Variants in TENT5C observed in about 807,000 individuals in gnomAD.
TENT5C encodes the protein family with sequence similarity 46 member C.
A neutral mutation model predicts 22.2 loss-of-function variants in TENT5C; 5 were observed. That is an observed-to-expected ratio of 0.22 (90% CI 0.12 to 0.47). The LOEUF (loss-of-function observed/expected upper bound fraction) is 0.47. Ranked by LOEUF, TENT5C falls within the 20% of genes least tolerant of loss-of-function variation. The probability of loss-of-function intolerance (pLI) is 0.99; values close to 1 mark genes in which losing one functional copy is unlikely to be tolerated. For synonymous variants in TENT5C, 199 were observed against 195.4 expected, an observed-to-expected ratio of 1.02 and a Z score of -0.15; for missense variants, 364 against 500.9, an observed-to-expected ratio of 0.73 and a Z score of 2.61.
At position 117,624,692 on chromosome 1, in the gene TENT5C, ACT is replaced by A. The variant is rs1653973149; in HGVS notation, c.*649_*650del. On this transcript the variant is annotated 3_prime_UTR_variant, in exon 2 of 2. Transcript: ENST00000369448. ...AAGTGGTTTATGGTTTACATGCTGTACTATCCTGAGGAATTGCGAGATATTGC... is the reference window on the plus strand; with the variant it reads ...AAGTGGTTTATGGTTTACATGCTGTAATCCTGAGGAATTGCGAGATATTGC... 1 of 248,000 alleles carries A rather than the reference ACT, an allele frequency of 4.0e-6. No individual in the cohort carries two copies. Among genetic ancestry groups the A allele is most frequent in the African/African-American group, 2.2e-5 (1 of 45,358 alleles). 15.4% of individuals were successfully genotyped at this position (248,000 alleles called of 1,614,324 possible). A position where few individuals can be genotyped will look rare whatever the true frequency, so the allele number is the denominator to read the frequency against.
intron 1 of TENT5C, among the ~76,000 whole-genome samples, chr1:117,616,574 A>G (rs1653784718): frequency 6.6e-6 from 1 of 152,196 alleles, no homozygotes; most frequent in South Asian, 2.1e-4. Flanking sequence ...TCTTTGTTCC[A>G]GGTACACACT....
intron 1 of TENT5C, among the ~76,000 whole-genome samples, chr1:117,616,046 G>A (rs926828437): frequency 6.6e-6 from 1 of 152,192 alleles, no homozygotes. Flanking sequence ...TTGTCACTCC[G>A]TGTCCACCTC....
chr1:117,608,743 T>C, intron 1 of TENT5C, among the ~76,000 whole-genome samples: 1 of 151,274 alleles, frequency 6.6e-6, no homozygotes, highest in African/African-American at 2.4e-5. Context: ...ACCCAAAGGC[T>C]CTCAGTGGAT....
In TENT5C at chr1:117,626,382, T is replaced by C. The variant is rs1381812524; in HGVS notation, c.*2338T>C. ...ACCCAGTCCCCAGTCTTTGCCACCA[T>C]TGCACCATGGTTGTCTCGGAGTCCC... On this transcript the variant is annotated 3_prime_UTR_variant, in exon 2 of 2. Coordinates refer to ENST00000369448, the MANE Select transcript of TENT5C (RefSeq NM_017709.4). 1.2e-5 allele frequency: 3 copies of C among 247,850 alleles called. No individual in the cohort carries two copies. The highest frequency in any genetic ancestry group is 4.4e-5 in the African/African-American group (2 of 45,314). The allele number at this position is 247,850 out of a possible 1,614,324, so 15.4% of individuals were successfully genotyped here.
rs754957854 is a variant in TENT5C at position 117,623,336 on chromosome 1, C to T, written c.468C>T (p.Ser156=). The change falls in exon 2 of 2, where the codon TCC becomes TCT. Residue 156 remains serine (S), a synonymous_variant. Transcript: ENST00000369448. The part of the protein sequence containing the change: ...CTDTDRWSLI[S]LSNKNGKNVE... ...ACACTGACCGCTGGAGCCTGATCTC[C>T]CTCTCCAACAAGAACGGGAAGAACG... is the stretch of plus-strand genomic sequence containing the variant. 1 of 1,614,162 alleles carries T rather than the reference C, an allele frequency of 6.2e-7. No homozygotes were observed. The highest frequency in any genetic ancestry group is 8.5e-7 in the Non-Finnish European group (1 of 1,180,030).
At chr1:117,606,661 G>A (rs1163045600) in intron 1 of TENT5C, among the ~76,000 whole-genome samples, 1 of 152,180 alleles carries the variant, frequency 6.6e-6, no homozygotes, top group African/African-American at 2.4e-5. Context: ...GTGTGAATTC[G>A]AATTCGGCGG....
At chr1:117,613,315 C>T (rs1451229157) in intron 1 of TENT5C, among the ~76,000 whole-genome samples, 2 of 152,234 alleles carry the variant, frequency 1.3e-5, no homozygotes, top group African/African-American at 4.8e-5. Context: ...CCATTTGCAA[C>T]CACGTCAGAG....
At position 117,624,847 on chromosome 1, in the gene TENT5C, ATGTT is replaced by A. The variant is rs1163379666; in HGVS notation, c.*804_*807del. 3 of 247,638 alleles carry A rather than the reference ATGTT, an allele frequency of 1.2e-5. No individual in the cohort carries two copies. The highest frequency in any genetic ancestry group is 1.2e-3 in the Middle Eastern group (1 of 808). 15.3% of individuals were successfully genotyped at this position (247,638 alleles called of 1,614,324 possible). ...GGATAATTGTAAATAGGAAACATGA[ATGTT>A]CATTTTTTTCTTTAAAGAATTCTTA... On this transcript the variant is annotated 3_prime_UTR_variant, in exon 2 of 2. Coordinates refer to ENST00000369448, the MANE Select transcript of TENT5C (RefSeq NM_017709.4).
intron 1 of TENT5C, among the ~76,000 whole-genome samples, chr1:117,621,334 C>A (rs1301980343): frequency 6.6e-6 from 1 of 152,188 alleles, no homozygotes; most frequent in Non-Finnish European, 1.5e-5. Context: ...TAAGTGAACT[C>A]CGTGACCTTC....
In TENT5C at chr1:117,623,707, A is replaced by G; in HGVS notation, c.839A>G (p.Asp280Gly). ...TCCAGGTTCTTCATCGACTTCCCGG[A>G]CATCCTTGAACAGCAGAGGAAGTTG... ...MCSRFFIDFP[D>G]ILEQQRKLET... Residue 280 changes from aspartate to glycine, a missense_variant, in exon 2 of 2, where the codon GAC becomes GGC. Asp to Gly is a moderately conservative substitution (Grantham distance 94, BLOSUM62 -1). This residue lies in a region of TENT5C where 303 missense variants were observed against 394.5 expected (regional missense o/e 0.77). Transcript: ENST00000369448. 1 of 1,614,168 alleles carries G rather than the reference A, an allele frequency of 6.2e-7. No homozygotes were observed. The highest frequency in any genetic ancestry group is 1.1e-5 in the South Asian group (1 of 91,076).
At position 117,625,177 on chromosome 1, in the gene TENT5C, G is replaced by A. The variant is rs190035193; in HGVS notation, c.*1133G>A. On this transcript the variant is annotated 3_prime_UTR_variant, in exon 2 of 2. Transcript: ENST00000369448. ...GACAGCAACTCAATTCAGGAATTTC[G>A]GTAGAACTGAGTGACCTGTGGAACT... 5 of 247,386 alleles carry A rather than the reference G, an allele frequency of 2.0e-5. No homozygotes were observed. The highest frequency in any genetic ancestry group is 3.6e-4 in the South Asian group (2 of 5,510). 15.3% of individuals were successfully genotyped at this position (247,386 alleles called of 1,614,324 possible).
intron 1 of TENT5C, among the ~76,000 whole-genome samples, chr1:117,616,619 C>T (rs1653786722): frequency 6.6e-6 from 1 of 152,134 alleles, no homozygotes; most frequent in Non-Finnish European, 1.5e-5. Flanking sequence ...TGGCGCATTG[C>T]CCAAGATTCC....
chr1:117,606,881 C>G (rs1220269788), intron 1 of TENT5C, among the ~76,000 whole-genome samples: 1 of 152,220 alleles, frequency 6.6e-6, no homozygotes, highest in Non-Finnish European at 1.5e-5. Context: ...CTCTCAGAAA[C>G]TTCTTGGGAA....
chr1:117,619,677 T>G (rs1653854716), intron 1 of TENT5C, among the ~76,000 whole-genome samples: 1 of 152,182 alleles, frequency 6.6e-6, no homozygotes, highest in African/African-American at 2.4e-5. Context: ...CATTCAGTCT[T>G]TGATCTGTCC....
chr1:117,622,129 A>T (rs534518345), intron 1 of TENT5C, among the ~76,000 whole-genome samples: 2 of 152,318 alleles, frequency 1.3e-5, no homozygotes, highest in Non-Finnish European at 2.9e-5. Flanking sequence ...TTGTCATAAA[A>T]ACCACTCCTT....
rs1173708307 is a variant in TENT5C, at chr1:117,625,832, G to T, written c.*1788G>T. On this transcript the variant is annotated 3_prime_UTR_variant, in exon 2 of 2. Transcript: ENST00000369448. ...ATGACTGAAACTCAAGGCTTAGCTG[G>T]TATCTATGTTGTGCTACATTAGGTG... 4.0e-6 allele frequency: 1 copy of T among 247,924 alleles called. No individual in the cohort carries two copies. Among genetic ancestry groups the T allele is most frequent in the East Asian group, 6.0e-5 (1 of 16,588 alleles). The allele number at this position is 247,924 out of a possible 1,614,324, so 15.4% of individuals were successfully genotyped here. A position where few individuals can be genotyped will look rare whatever the true frequency, so the allele number is the denominator to read the frequency against.
At position 117,623,314 on chromosome 1, in the gene TENT5C, C is replaced by A; in HGVS notation, c.446C>A (p.Thr149Asn). Residue 149 changes from threonine (T) to asparagine (N), a missense_variant, in exon 2 of 2, where the codon ACT (threonine) becomes AAT (asparagine). Thr to Asn is a moderately conservative substitution (Grantham distance 65). Coordinates refer to ENST00000369448, the MANE Select transcript of TENT5C (RefSeq NM_017709.4). ...AAGCTAGTGAAGGTTTGCACGGACA[C>A]TGACCGCTGGAGCCTGATCTCCCTC... ...VQKLVKVCTD[T>N]DRWSLISLSN... is the part of the protein sequence containing the mutation. 1 of 1,614,188 alleles carries A rather than the reference C, an allele frequency of 6.2e-7. No homozygotes were observed. The highest frequency in any genetic ancestry group is 2.2e-5 in the East Asian group (1 of 44,872).
At chr1:117,614,066 C>T (rs964539875) in intron 1 of TENT5C, among the ~76,000 whole-genome samples, 5 of 152,320 alleles carry the variant, frequency 3.3e-5, no homozygotes, top group East Asian at 3.9e-4. Context: ...ATGAAACACT[C>T]GAGTGTCTGT....
chr1:117,616,741 T>C (rs1478078911), intron 1 of TENT5C, among the ~76,000 whole-genome samples: 1 of 152,208 alleles, frequency 6.6e-6, no homozygotes, highest in Non-Finnish European at 1.5e-5. Context: ...ATGTGTTTGA[T>C]TTTCTTTTGT....
Sources: gnomAD v4.1 joint callset for allele counts (sites outside exome capture counted in the v4.1 genomes callset) on GRCh38, gnomAD v4.1.1 for gene constraint, gnomAD v4.1.1 regional missense constraint, MANE v1.5 for transcripts, NCBI Gene and HGNC (gene_info 2026-07-23, HGNC 2026-07-21) for gene names.